CCDC6: variants seen among roughly 807,000 people sequenced by gnomAD.
CCDC6 encodes the protein coiled-coil domain-containing protein 6.
Under a neutral mutation model 56.6 loss-of-function variants are expected in CCDC6, and 20 were observed. The ratio of observed to expected loss-of-function variants is 0.35; its 90% CI spans 0.25 to 0.51. The LOEUF is 0.51. CCDC6 is among the 20% of genes least tolerant of loss of function. CCDC6 has a pLI of 0.95. For missense variants in CCDC6, 367 were observed against 601.1 expected, an observed-to-expected ratio of 0.61 and a Z score of 4.07; for synonymous variants, 241 against 234.4, an observed-to-expected ratio of 1.03 and a Z score of -0.26.
intron 7 of CCDC6, among the ~76,000 whole-genome samples, chr10:59,799,126 T>C (rs1364799279): frequency 6.6e-6 from 1 of 151,330 alleles, no homozygotes. Flanking sequence ...TACTGCCTAC[T>C]TACTTAAAAA....
At chr10:59,865,377 C>G (rs925481899) in intron 1 of CCDC6, among the ~76,000 whole-genome samples, 1 of 152,300 alleles carries the variant, frequency 6.6e-6, no homozygotes, top group African/African-American at 2.4e-5. Context: ...CAATTACAGA[C>G]AGAGATGACT....
chr10:59,804,673 C>T (rs527885886), intron 6 of CCDC6, 153 bp from the exon 7 acceptor site: 20 of 601,640 alleles, frequency 3.3e-5, no homozygotes, highest in African/African-American at 3.0e-4. Flanking sequence ...ATAAAATGGA[C>T]TCCTGAGTCA....
chr10:59,866,829 C>T (rs763612167), intron 1 of CCDC6, among the ~76,000 whole-genome samples: 21 of 152,158 alleles, frequency 1.4e-4, no homozygotes, highest in Admixed American at 5.2e-4. Flanking sequence ...ACTAACTTCC[C>T]ACAAAAGTCA....
intron 1 of CCDC6, among the ~76,000 whole-genome samples, chr10:59,859,639 T>C (rs939063293): frequency 4.0e-5 from 6 of 151,878 alleles, no homozygotes; most frequent in South Asian, 4.2e-4. Context: ...AGCAAGATGA[T>C]GGAAAATGAG....
chr10:59,832,648 C>T lies in CCDC6; in HGVS notation c.459G>A (p.Gln153=), dbSNP rs772031116. The T allele has an allele frequency of 3.1e-6, 5 of 1,611,592 alleles. No homozygotes were observed. The highest frequency in any genetic ancestry group is 4.2e-6 in the Non-Finnish European group (5 of 1,179,328). Residue 153 remains glutamine (Q), a synonymous_variant, in exon 3 of 9, where the codon CAG becomes CAA. Coordinates refer to ENST00000263102, the MANE Select transcript of CCDC6 (RefSeq NM_005436.5). The part of the protein sequence containing the change: ...NELSRKLMQL[Q]HEKAELEQHL... ...GCTGTTCTAGTTCGGCTTTCTCATG[C>T]TGCAACTGGAAAATGAAAAACACCG...
At chr10:59,850,612 T>C (rs1257663851) in intron 2 of CCDC6, among the ~76,000 whole-genome samples, 1 of 152,184 alleles carries the variant, frequency 6.6e-6, no homozygotes. Flanking sequence ...GAAATAACAG[T>C]TTATTTTGTT....
chr10:59,822,743 T>C (rs1003959880), intron 3 of CCDC6, among the ~76,000 whole-genome samples: 2 of 152,082 alleles, frequency 1.3e-5, no homozygotes, highest in African/African-American at 2.4e-5. Flanking sequence ...AGAGAAATTC[T>C]AGGCAGAAAA....
chr10:59,805,448 A>AGG (rs2070612985), intron 6 of CCDC6: 1 of 152,202 alleles, frequency 6.6e-6, no homozygotes, highest in Non-Finnish European at 1.5e-5. Context: ...ACTTTCTGAA[A>AGG]TGAATACCGG....
intron 1 of CCDC6, among the ~76,000 whole-genome samples, chr10:59,861,014 G>A (rs568294081): frequency 9.6e-4 from 146 of 152,138 alleles, no homozygotes; most frequent in Middle Eastern, 6.8e-3. Context: ...GGCCAACATG[G>A]TGAAACCCCG....
intron 3 of CCDC6, among the ~76,000 whole-genome samples, chr10:59,817,991 A>G (rs1267455819): frequency 6.6e-6 from 1 of 152,182 alleles, no homozygotes; most frequent in Non-Finnish European, 1.5e-5. Flanking sequence ...GACATGACTC[A>G]GGCAGTCATG....
At chr10:59,904,571 T>A (rs927255581) in intron 1 of CCDC6, among the ~76,000 whole-genome samples, 7 of 152,128 alleles carry the variant, frequency 4.6e-5, no homozygotes, top group Non-Finnish European at 8.8e-5. Flanking sequence ...TAACCCCCAC[T>A]CAGCAAAGAC....
In CCDC6 at chr10:59,830,613, C is replaced by T. The variant is rs561125387; in HGVS notation, c.582+1912G>A. On this transcript the variant is annotated intron_variant, in intron 3 of 8. Coordinates refer to ENST00000263102, the MANE Select transcript of CCDC6 (RefSeq NM_005436.5). ...CATATTTTATTGTGGAAATCTATTTCTTTACCATCGAGGACTGAAATAAGC... is the reference window on the plus strand; with the variant it reads ...CATATTTTATTGTGGAAATCTATTTTTTTACCATCGAGGACTGAAATAAGC... Among the ~76,000 whole-genome samples, 19 of 152,262 alleles carry T rather than the reference C, an allele frequency of 1.2e-4. No homozygotes were observed. In the South Asian group the frequency reaches 3.9e-3, roughly 32 times the overall value.
chr10:59,796,970 C>CAAAAAA (rs56723229), intron 7 of CCDC6, among the ~76,000 whole-genome samples: 4 of 120,070 alleles, frequency 3.3e-5, no homozygotes, highest in Non-Finnish European at 5.6e-5. Flanking sequence ...GATTCCATCT[C>CAAAAAA]AAAAAAAAAA....
chr10:59,891,873 T>C (rs981377857), intron 1 of CCDC6, among the ~76,000 whole-genome samples: 6 of 152,136 alleles, frequency 3.9e-5, no homozygotes, highest in Admixed American at 1.3e-4. Flanking sequence ...TAATAGTAGT[T>C]TGGAGAAAAG....
chr10:59,862,656 A>T (rs1325793741), intron 1 of CCDC6, among the ~76,000 whole-genome samples: 4 of 151,732 alleles, frequency 2.6e-5, no homozygotes, highest in African/African-American at 9.7e-5. Context: ...ATGATAAATT[A>T]TTAGAAGTTC....
At chr10:59,834,386 CA>C (rs2070862617) in intron 2 of CCDC6, among the ~76,000 whole-genome samples, 1 of 151,486 alleles carries the variant, frequency 6.6e-6, no homozygotes. Context: ...TACAAACAAA[CA>C]AACAAACAAA....
At chr10:59,838,247 C>A (rs1262257509) in intron 2 of CCDC6, among the ~76,000 whole-genome samples, 1 of 146,508 alleles carries the variant, frequency 6.8e-6, no homozygotes, top group Non-Finnish European at 1.5e-5. Context: ...CACACACTCT[C>A]CTTTGTGTGT....
At chr10:59,861,302 A>C (rs941353957) in intron 1 of CCDC6, among the ~76,000 whole-genome samples, 2 of 152,130 alleles carry the variant, frequency 1.3e-5, no homozygotes, top group African/African-American at 4.8e-5. Flanking sequence ...GAGGCTGCAG[A>C]GAGCCTTGAT....
intron 2 of CCDC6, among the ~76,000 whole-genome samples, chr10:59,844,553 C>A (rs898369121): frequency 3.3e-5 from 5 of 150,440 alleles, no homozygotes; most frequent in Non-Finnish European, 5.9e-5. Context: ...AATCCAAGAC[C>A]GGCCTGGCCA....
Sources: gnomAD v4.1 joint callset for allele counts (sites outside exome capture counted in the v4.1 genomes callset) on GRCh38, gnomAD v4.1.1 for gene constraint, MANE v1.5 for transcripts, NCBI Gene and HGNC (gene_info 2026-07-23, HGNC 2026-07-21) for gene names.